The following ENG variants were observed in gnomAD, a reference collection of about 807,000 sequenced individuals.
ENG encodes the protein endoglin.
ENG carries 17 observed loss-of-function variants against 71.0 expected under a neutral mutation model. The observed-to-expected ratio is 0.24, with a 90% confidence interval of 0.16 to 0.36. The LOEUF (loss-of-function observed/expected upper bound fraction) is 0.36. ENG is among the 10% of genes least tolerant of loss of function. The probability of loss-of-function intolerance (pLI) is 1.00; values close to 1 mark genes in which losing one functional copy is unlikely to be tolerated. For missense variants in ENG, 749 were observed against 868.3 expected, an observed-to-expected ratio of 0.86 and a Z score of 1.73; for synonymous variants, 360 against 366.9, an observed-to-expected ratio of 0.98 and a Z score of 0.21.
chr9:127,854,258 G>A, intron 1 of ENG, 31 bp downstream of exon 1: 1 of 1,562,888 alleles, frequency 6.4e-7, no homozygotes, highest in Admixed American at 1.9e-5. Context: ...CGGAGGCCGA[G>A]TCTCCCCACC....
chr9:127,843,755 A>ATATATATAT (rs1554812402), intron 1 of ENG, among the ~76,000 whole-genome samples: 1 of 25,038 alleles, frequency 4.0e-5, no homozygotes, highest in Non-Finnish European at 6.9e-5. Flanking sequence ...ATATATATAT[A>ATATATATAT]TTTTTTTTTT....
At chr9:127,820,593 C>G in intron 8 of ENG, among the ~76,000 whole-genome samples, 1 of 151,348 alleles carries the variant, frequency 6.6e-6, no homozygotes, top group East Asian at 2.0e-4. Context: ...CTTTGGGAGG[C>G]TGAGGCAGGT....
chr9:127,816,977 C>T (rs1830336588), intron 13 of ENG, 172 bp downstream of exon 13: 1 of 759,370 alleles, frequency 1.3e-6, no homozygotes, highest in Admixed American at 2.1e-5. Flanking sequence ...CTGGCCCCTG[C>T]TCTAGGCTGC....
chr9:127,825,384 C>T (rs755239753), intron 5 of ENG, 27 bp from the exon 6 acceptor site: 3 of 1,606,826 alleles, frequency 1.9e-6, no homozygotes, highest in South Asian at 2.2e-5. Flanking sequence ...GCGGATGGAA[C>T]ACTGAAGCGG....
chr9:127,817,094 C>T, intron 13 of ENG, 55 bp downstream of exon 13: 1 of 1,599,602 alleles, frequency 6.3e-7, no homozygotes, highest in Non-Finnish European at 8.6e-7. Flanking sequence ...GCCCGCTGTG[C>T]CCTACTGTGA....
Position 127,826,599 on chromosome 9 carries a change from T to A in ENG, c.434A>T (p.Gln145Leu). Residue 145 changes from glutamine to leucine, a missense_variant, in exon 4 of 15, where the codon CAG becomes CTG. Transcript: ENST00000373203. ...CCTCTCAGCTGCCCACTCAAGGATC[T>A]GGGTCTTGGGGAAGGATGGCAGCTC... ...TTELPSFPKTQILEWAAERGP... is the reference protein window; with the variant it reads ...TTELPSFPKTLILEWAAERGP... 1 of 1,614,098 alleles carries A rather than the reference T, an allele frequency of 6.2e-7. No homozygotes were observed. The highest frequency in any genetic ancestry group is 8.5e-7 in the Non-Finnish European group (1 of 1,180,006).
Position 127,836,324 on chromosome 9 carries a change from G to A in ENG, c.220-6497C>T, listed in dbSNP as rs564103238. On this transcript the variant is annotated intron_variant, in intron 2 of 14. Transcript: ENST00000373203. This position sits in a 1 kb window ranked among gnomAD's most constrained non-coding sequence, Gnocchi z 4.0. ...TCCCTGAGTGGGTGGGCGGGAGACCGCGTTTCTATTTTTGTACCAATGTCC... is the reference window on the plus strand; with the variant it reads ...TCCCTGAGTGGGTGGGCGGGAGACCACGTTTCTATTTTTGTACCAATGTCC... Among the ~76,000 whole-genome samples the A allele has an allele frequency of 6.6e-6, 1 of 152,382 alleles. No individual in the cohort carries two copies. The highest frequency in any genetic ancestry group is 1.9e-4 in the East Asian group (1 of 5,192).
intron 10 of ENG, chr9:127,819,204 T>A: frequency 3.0e-6 from 1 of 333,966 alleles, no homozygotes; most frequent in Non-Finnish European, 5.7e-6. Context: ...CCCAAAGTGC[T>A]GCGATTACAG....
intron 8 of ENG, chr9:127,821,163 G>A (rs1459687773): frequency 6.6e-6 from 1 of 152,212 alleles, no homozygotes; most frequent in Non-Finnish European, 1.5e-5. Flanking sequence ...TGGGCGTGGT[G>A]GCTCACGCCT....
At chr9:127,818,509 C>G (rs1314128462) in intron 11 of ENG, 132 bp from the exon 12 acceptor site, 12 of 1,509,160 alleles carry the variant, frequency 8.0e-6, no homozygotes, top group Admixed American at 1.9e-5. Flanking sequence ...AGACATGGAC[C>G]TGTCTGGGGC....
intron 1 of ENG, among the ~76,000 whole-genome samples, chr9:127,853,751 C>T (rs1262451311): frequency 3.3e-5 from 5 of 152,222 alleles, no homozygotes; most frequent in African/African-American, 7.2e-5. Context: ...AGAGCCCTCT[C>T]TGCAATGATC....
chr9:127,837,116 C>T (rs1363267992), intron 2 of ENG, among the ~76,000 whole-genome samples: 1 of 152,182 alleles, frequency 6.6e-6, no homozygotes. Context: ...CTCTGATTCT[C>T]CCCTTGCACA....
chr9:127,829,430 T>A (rs190162289), intron 3 of ENG, among the ~76,000 whole-genome samples: 1 of 152,296 alleles, frequency 6.6e-6, no homozygotes, highest in East Asian at 1.9e-4. Context: ...ATGCAGAGGA[T>A]CAGAGTTGGC....
chr9:127,828,833 A>C (rs570154087), intron 3 of ENG, among the ~76,000 whole-genome samples: 1 of 151,970 alleles, frequency 6.6e-6, no homozygotes, highest in East Asian at 1.9e-4. Context: ...CGCAGTGGGC[A>C]TGTTTCTTTC....
chr9:127,852,605 G>C (rs1564465876), intron 1 of ENG, among the ~76,000 whole-genome samples: 1 of 152,086 alleles, frequency 6.6e-6, no homozygotes, highest in South Asian at 2.1e-4. Flanking sequence ...AAAAGGTCAT[G>C]AATGTCCAAA....
intron 13 of ENG, chr9:127,816,380 C>G (rs1830316191): frequency 6.9e-6 from 3 of 436,180 alleles, no homozygotes; most frequent in African/African-American, 2.0e-5. Flanking sequence ...AGAGCCTGCC[C>G]CACCTGCTGC....
intron 1 of ENG, among the ~76,000 whole-genome samples, chr9:127,843,814 C>G (rs1316829585): frequency 8.5e-6 from 1 of 117,544 alleles, no homozygotes; most frequent in Non-Finnish European, 1.6e-5. Context: ...TCTTCTTGCC[C>G]AGGCTGGAGT....
chr9:127,847,759 G>A (rs184434897), intron 1 of ENG, among the ~76,000 whole-genome samples: 7 of 152,148 alleles, frequency 4.6e-5, no homozygotes, highest in South Asian at 4.1e-4. Flanking sequence ...TGCCTGCCCC[G>A]TCTTGTTCAG....
rs374989851 is a variant in ENG, at chr9:127,825,185, G to C, written c.816+46C>G. 2.5e-5 allele frequency: 40 copies of C among 1,613,196 alleles called. No homozygotes were observed. The East Asian group carries it at 6.2e-4, about 25-fold the overall frequency. ...TTCCAGGAAACTTCCCTGATCCAGAGGTTGGGAGTTTGGGTTTTGTGTCCC... is the reference window on the plus strand; with the variant it reads ...TTCCAGGAAACTTCCCTGATCCAGACGTTGGGAGTTTGGGTTTTGTGTCCC... On this transcript the variant is annotated intron_variant, in intron 6 of 14. Coordinates refer to ENST00000373203, the MANE Select transcript of ENG (RefSeq NM_001114753.3).
Sources: allele counts gnomAD v4.1 joint callset (sites outside exome capture counted in the v4.1 genomes callset), GRCh38; gene constraint gnomAD v4.1.1; non-coding constraint Gnocchi (gnomAD v3.1); transcripts MANE v1.5; gene names NCBI Gene and HGNC (gene_info 2026-07-23, HGNC 2026-07-21).